Variants in GAB1 observed in about 807,000 individuals in gnomAD.
GAB1 encodes GRB2 associated binding protein 1.
In GAB1, 19 loss-of-function variants were observed where a neutral mutation model predicts 66.5. The observed-to-expected ratio is 0.29, with a 90% CI of 0.20 to 0.42. The LOEUF (loss-of-function observed/expected upper bound fraction) is 0.42, where lower values mean the gene tolerates loss of function less well. GAB1 is among the 10% of genes least tolerant of loss of function. The probability of loss-of-function intolerance (pLI) is 1.00; values close to 1 mark genes in which losing one functional copy is unlikely to be tolerated. For missense variants in GAB1, 732 were observed against 858.5 expected (o/e 0.85, Z 1.84); for synonymous variants, 294 against 301.4 (o/e 0.98, Z 0.25).
At chr4:143,439,696 T>G in intron 4 of GAB1, 106 bp from the exon 5 acceptor site, 2 of 722,520 alleles carry the variant, frequency 2.8e-6, no homozygotes, top group Non-Finnish European at 4.9e-6. Flanking sequence ...TGTGTGTGCA[T>G]GTGTGTATGC....
chr4:143,427,669 G>A (rs1339633612), intron 2 of GAB1, among the ~76,000 whole-genome samples: 1 of 152,170 alleles, frequency 6.6e-6, no homozygotes, highest in Non-Finnish European at 1.5e-5. Flanking sequence ...TTCCCAGTTT[G>A]GAGGCTACAT....
At chr4:143,464,154 A>G (rs1018435812) in intron 8 of GAB1, among the ~76,000 whole-genome samples, 1 of 152,176 alleles carries the variant, frequency 6.6e-6, no homozygotes, top group African/African-American at 2.4e-5. Context: ...ATTAGAAAGA[A>G]GAGAGGGATT....
chr4:143,459,230 TC>T (rs1475116050), intron 6 of GAB1, among the ~76,000 whole-genome samples, 154 bp from the exon 7 acceptor site: 1 of 152,144 alleles, frequency 6.6e-6, no homozygotes, highest in African/African-American at 2.4e-5. Context: ...CTTGGGCAAA[TC>T]ATGTAACATT....
At chr4:143,407,856 C>A (rs1323406206) in intron 1 of GAB1, among the ~76,000 whole-genome samples, 1 of 152,092 alleles carries the variant, frequency 6.6e-6, no homozygotes, top group East Asian at 1.9e-4. Flanking sequence ...TTTATTTACC[C>A]TAGTAATAGT....
intron 1 of GAB1, among the ~76,000 whole-genome samples, chr4:143,401,337 G>C (rs760951167): frequency 2.6e-5 from 4 of 152,156 alleles, no homozygotes; most frequent in Non-Finnish European, 5.9e-5. Context: ...GATTGCAATT[G>C]TTGGTAAACA....
intron 1 of GAB1, among the ~76,000 whole-genome samples, chr4:143,364,719 T>C (rs1729800725): frequency 6.6e-6 from 1 of 152,008 alleles, no homozygotes; most frequent in African/African-American, 2.4e-5. Flanking sequence ...GATTCCTTTC[T>C]CTTCACTCCT....
chr4:143,457,938 T>G (rs1429364805), intron 6 of GAB1, among the ~76,000 whole-genome samples: 1 of 152,138 alleles, frequency 6.6e-6, no homozygotes, highest in Admixed American at 6.5e-5. Context: ...ACACAATGAG[T>G]CTACTTACTC....
intron 6 of GAB1, among the ~76,000 whole-genome samples, chr4:143,455,751 A>G (rs1451861497): frequency 1.3e-5 from 2 of 152,182 alleles, no homozygotes. Flanking sequence ...TCCTTTCTCT[A>G]CTTGGTTTCC....
chr4:143,440,656 A>G, intron 6 of GAB1, among the ~76,000 whole-genome samples: 1 of 152,110 alleles, frequency 6.6e-6, no homozygotes, highest in African/African-American at 2.4e-5. Flanking sequence ...AACTGGGGAG[A>G]ATTAGAAGAA....
intron 1 of GAB1, among the ~76,000 whole-genome samples, chr4:143,358,496 T>C (rs1394369035): frequency 6.6e-6 from 1 of 152,250 alleles, no homozygotes; most frequent in Non-Finnish European, 1.5e-5. Flanking sequence ...CATGCAGTGT[T>C]ACCAGTTTCG....
intron 1 of GAB1, among the ~76,000 whole-genome samples, chr4:143,367,131 C>G (rs186707314): frequency 6.6e-6 from 1 of 152,238 alleles, no homozygotes; most frequent in East Asian, 1.9e-4. Context: ...TCAGAAATAG[C>G]CTTGCAAAGG....
intron 1 of GAB1, among the ~76,000 whole-genome samples, chr4:143,379,331 T>G (rs762484298): frequency 3.3e-5 from 5 of 152,094 alleles, no homozygotes; most frequent in African/African-American, 4.8e-5. Context: ...AGCAGAGAAA[T>G]CTTAAGCCGG....
At chr4:143,352,040 G>C (rs989212258) in intron 1 of GAB1, among the ~76,000 whole-genome samples, 2 of 152,202 alleles carry the variant, frequency 1.3e-5, no homozygotes, top group Non-Finnish European at 2.9e-5. Flanking sequence ...GATCACTAGA[G>C]GGTTTAGGTG....
intron 1 of GAB1, among the ~76,000 whole-genome samples, chr4:143,402,264 A>T (rs926929883): frequency 1.3e-5 from 2 of 152,160 alleles, no homozygotes; most frequent in African/African-American, 4.8e-5. Context: ...TAGGCGATCC[A>T]GGTTGATTGA....
chr4:143,445,906 TA>T (rs1199738159), intron 6 of GAB1, among the ~76,000 whole-genome samples: 3 of 152,116 alleles, frequency 2.0e-5, no homozygotes, highest in African/African-American at 7.2e-5. Flanking sequence ...ACTCGTCATT[TA>T]ACATTAGGTA....
intron 1 of GAB1, among the ~76,000 whole-genome samples, chr4:143,392,979 A>G (rs963600739): frequency 2.0e-5 from 3 of 152,148 alleles, no homozygotes; most frequent in Admixed American, 2.0e-4. Flanking sequence ...ATTTCCATGT[A>G]TATGTCCACA....
intron 1 of GAB1, chr4:143,396,106 A>G (rs1466263474): frequency 5.0e-6 from 2 of 400,950 alleles, no homozygotes; most frequent in African/African-American, 4.1e-5. Flanking sequence ...GGTGAGGTGA[A>G]GAAAGGAGAA....
intron 1 of GAB1, among the ~76,000 whole-genome samples, chr4:143,358,815 A>G (rs1451197272): frequency 6.6e-6 from 1 of 152,254 alleles, no homozygotes; most frequent in East Asian, 1.9e-4. Context: ...AATTTTGGTG[A>G]CTTACTAATT....
chr4:143,450,252 C>T (rs750553727), intron 6 of GAB1, among the ~76,000 whole-genome samples: 9 of 152,018 alleles, frequency 5.9e-5, no homozygotes, highest in Admixed American at 3.3e-4. Flanking sequence ...AGTTTTCTGC[C>T]TTCATTACTT....
Sources: gnomAD v4.1 joint callset for allele counts (sites outside exome capture counted in the v4.1 genomes callset) on GRCh38, gnomAD v4.1.1 for gene constraint, MANE v1.5 for transcripts, NCBI Gene and HGNC (gene_info 2026-07-23, HGNC 2026-07-21) for gene names.